XRCC4: variants seen among roughly 807,000 people sequenced by gnomAD.
XRCC4 encodes the protein DNA repair protein XRCC4.
Under a neutral mutation model 39.1 loss-of-function variants are expected in XRCC4, and 28 were observed. That is an observed-to-expected ratio of 0.72 (90% CI 0.53 to 0.98). The LOEUF is 0.98. XRCC4 is among the 50% of genes least tolerant of loss of function. The probability of loss-of-function intolerance (pLI) is 0.00; values close to 1 mark genes in which losing one functional copy is unlikely to be tolerated. For synonymous variants in XRCC4, 123 were observed against 126.4 expected, an observed-to-expected ratio of 0.97 and a Z score of 0.18; for missense variants, 350 against 376.4, an observed-to-expected ratio of 0.93 and a Z score of 0.58.
intron 7 of XRCC4, among the ~76,000 whole-genome samples, chr5:83,334,665 ATGTG>A (rs1756539476): frequency 6.8e-6 from 1 of 147,448 alleles, no homozygotes. Context: ...CATTATATGT[ATGTG>A]TGTGCATATA....
At chr5:83,111,876 C>T (rs1746460395) in intron 3 of XRCC4, among the ~76,000 whole-genome samples, 1 of 151,994 alleles carries the variant, frequency 6.6e-6, no homozygotes, top group South Asian at 2.1e-4. Context: ...CAGTGGTTTT[C>T]AGTCATATAT....
downstream of XRCC4, among the ~76,000 whole-genome samples, chr5:83,355,289 G>T (rs978697036): frequency 1.3e-5 from 2 of 151,972 alleles, no homozygotes; most frequent in African/African-American, 2.4e-5. Context: ...CCCATTAAAA[G>T]GTTTTTTCCA....
At chr5:83,206,881 A>C (rs1033383661) in intron 6 of XRCC4, among the ~76,000 whole-genome samples, 1 of 152,072 alleles carries the variant, frequency 6.6e-6, no homozygotes, top group African/African-American at 2.4e-5. Context: ...AGGTAGAATA[A>C]ACAGATGAAG....
At chr5:83,082,131 A>G (rs1744971492) in intron 1 of XRCC4, among the ~76,000 whole-genome samples, 1 of 152,266 alleles carries the variant, frequency 6.6e-6, no homozygotes, top group South Asian at 2.1e-4. Context: ...ATTACCCACT[A>G]TCATTTCTTG....
In XRCC4 at chr5:83,233,733, C is replaced by CAAA. The variant is rs200461475; in HGVS notation, c.746-24784_746-24782dup. On this transcript the variant is annotated intron_variant, in intron 6 of 7. Coordinates refer to ENST00000396027, the MANE Select transcript of XRCC4 (RefSeq NM_003401.5). ...TGAAACCCTGTCTCTACTAAAAATG[C>CAAA]AAAAAAAAAAAAAAAGCAATTAGCC... 6.1e-4 allele frequency among the ~76,000 whole-genome samples: 60 copies of CAAA among 98,586 alleles called. 1 individual carries two copies. Among genetic ancestry groups the CAAA allele is most frequent in the African/African-American group, 1.9e-3 (54 of 28,934 alleles). The allele number at this position is 98,586 out of a possible 152,430, so 64.7% of individuals were successfully genotyped here.
chr5:83,237,853 T>C (rs1024331457), intron 6 of XRCC4, among the ~76,000 whole-genome samples: 1 of 152,102 alleles, frequency 6.6e-6, no homozygotes, highest in African/African-American at 2.4e-5. Context: ...CCCATAAATA[T>C]GTACAACTCT....
At chr5:83,176,484 T>TCTTAAGTAC (rs1212578150) in intron 3 of XRCC4, among the ~76,000 whole-genome samples, 1 of 152,184 alleles carries the variant, frequency 6.6e-6, no homozygotes, top group Non-Finnish European at 1.5e-5. Context: ...ATCTGTACTT[T>TCTTAAGTAC]CTTAAGAAGG....
chr5:83,183,851 G>A (rs1750315783), intron 3 of XRCC4, among the ~76,000 whole-genome samples: 1 of 151,996 alleles, frequency 6.6e-6, no homozygotes, highest in South Asian at 2.1e-4. Flanking sequence ...TTAAAAAGAT[G>A]CTAATAGATG....
intron 7 of XRCC4, among the ~76,000 whole-genome samples, chr5:83,284,067 A>C (rs1470660496): frequency 6.6e-5 from 10 of 150,836 alleles, no homozygotes; most frequent in South Asian, 2.1e-4. Flanking sequence ...AAAAAAAAAA[A>C]AAAAAAAAAA....
At chr5:83,082,944 T>C (rs1352519892) in intron 1 of XRCC4, among the ~76,000 whole-genome samples, 1 of 152,186 alleles carries the variant, frequency 6.6e-6, no homozygotes, top group Non-Finnish European at 1.5e-5. Context: ...TTAAGTACAC[T>C]AGGCCTACTT....
Position 83,312,957 on chromosome 5 carries a change from A to T in XRCC4, c.894-40174A>T, listed in dbSNP as rs1210414956. Reference sequence around the variant, plus strand: ...GAAGTTAGGAAACAGAACACTTGCAAAATTCATTTTGCGGATGCTGAGTTG... The same window carrying T: ...GAAGTTAGGAAACAGAACACTTGCATAATTCATTTTGCGGATGCTGAGTTG... On this transcript the variant is annotated intron_variant, in intron 7 of 7. Coordinates refer to ENST00000396027, the MANE Select transcript of XRCC4 (RefSeq NM_003401.5). Among the ~76,000 whole-genome samples, 4 of 152,188 alleles carry T rather than the reference A, an allele frequency of 2.6e-5. No individual in the cohort carries two copies. The South Asian group carries it at 8.3e-4, about 31-fold the overall frequency.
At chr5:83,299,242 A>G (rs1340396158) in intron 7 of XRCC4, among the ~76,000 whole-genome samples, 1 of 152,114 alleles carries the variant, frequency 6.6e-6, no homozygotes, top group Non-Finnish European at 1.5e-5. Context: ...ATTTAATTTC[A>G]TAGGAAGTTG....
chr5:83,130,439 T>C (rs548187706), intron 3 of XRCC4, among the ~76,000 whole-genome samples: 47 of 152,148 alleles, frequency 3.1e-4, no homozygotes, highest in Non-Finnish European at 5.4e-4. Context: ...CTTTTTTTGG[T>C]TGTGTCTCTG....
At chr5:83,137,254 TATGA>T (rs1747944159) in intron 3 of XRCC4, among the ~76,000 whole-genome samples, 1 of 152,164 alleles carries the variant, frequency 6.6e-6, no homozygotes, top group African/African-American at 2.4e-5. Context: ...ATATTTTATA[TATGA>T]ATGAAGAACA....
downstream of XRCC4, among the ~76,000 whole-genome samples, chr5:83,356,463 T>C (rs1191948966): frequency 3.3e-5 from 5 of 152,188 alleles, no homozygotes; most frequent in Non-Finnish European, 7.3e-5. Flanking sequence ...AAGGTCATAA[T>C]ATTTAGAAAA....
intron 7 of XRCC4, among the ~76,000 whole-genome samples, chr5:83,326,538 CT>C (rs1756268229): frequency 6.6e-6 from 1 of 151,918 alleles, no homozygotes; most frequent in South Asian, 2.1e-4. Context: ...ATTTAATATT[CT>C]TTATGGGAAA....
chr5:83,167,535 AG>A (rs1749538588), intron 3 of XRCC4, among the ~76,000 whole-genome samples: 1 of 152,196 alleles, frequency 6.6e-6, no homozygotes, highest in Non-Finnish European at 1.5e-5. Context: ...TGCACTGGCC[AG>A]GGGGTCATTT....
At chr5:83,153,241 C>T (rs2112560134) in intron 3 of XRCC4, among the ~76,000 whole-genome samples, 1 of 147,974 alleles carries the variant, frequency 6.8e-6, no homozygotes, top group Middle Eastern at 3.5e-3. Flanking sequence ...CAGAGTCTTG[C>T]TCTGTCACTC....
At chr5:83,142,632 G>T (rs545774641) in intron 3 of XRCC4, among the ~76,000 whole-genome samples, 1 of 152,084 alleles carries the variant, frequency 6.6e-6, no homozygotes, top group Non-Finnish European at 1.5e-5. Flanking sequence ...ATTAAGTTTG[G>T]TTAAGTTTGT....
Sources: gnomAD v4.1 joint callset for allele counts (sites outside exome capture counted in the v4.1 genomes callset) on GRCh38, gnomAD v4.1.1 for gene constraint, MANE v1.5 for transcripts, NCBI Gene and HGNC (gene_info 2026-07-23, HGNC 2026-07-21) for gene names.